SLC25A48: variants seen among roughly 807,000 people sequenced by gnomAD.
SLC25A48 encodes the protein solute carrier family 25 member 48, also known as CTC-321K16.1.
SLC25A48 carries 29 observed loss-of-function variants against 32.2 expected under a neutral mutation model. That is an observed-to-expected ratio of 0.90 (90% CI 0.67 to 1.23). The LOEUF is 1.23. Ranked by LOEUF, SLC25A48 falls within the 50% of genes most tolerant of loss-of-function variation. The pLI is 0.00. For missense variants in SLC25A48, 399 were observed against 422.7 expected, an observed-to-expected ratio of 0.94 and a Z score of 0.49; for synonymous variants, 164 against 172.3, an observed-to-expected ratio of 0.95 and a Z score of 0.38.
intron 3 of SLC25A48, among the ~76,000 whole-genome samples, chr5:135,642,887 C>A (rs1011219418): frequency 3.9e-5 from 6 of 152,208 alleles, no homozygotes; most frequent in South Asian, 4.1e-4. Context: ...AGGGCACAGG[C>A]TCAGATGGTA....
chr5:135,587,206 T>C (rs1020041590), intron 1 of SLC25A48, among the ~76,000 whole-genome samples: 12 of 152,246 alleles, frequency 7.9e-5, no homozygotes, highest in African/African-American at 2.2e-4. Flanking sequence ...AGTTTTTAAA[T>C]TTTCTTGTAG....
At chr5:135,693,181 T>A (rs1360603477) in intron 3 of SLC25A48, among the ~76,000 whole-genome samples, 1 of 152,214 alleles carries the variant, frequency 6.6e-6, no homozygotes, top group Non-Finnish European at 1.5e-5. Flanking sequence ...TATATTTAAT[T>A]AAAACTTCTA....
At chr5:135,729,761 A>G (rs1374602151) in intron 3 of SLC25A48, among the ~76,000 whole-genome samples, 1 of 152,214 alleles carries the variant, frequency 6.6e-6, no homozygotes, top group East Asian at 1.9e-4. Flanking sequence ...CACAGGCTAT[A>G]TGAGTTTCCT....
Position 135,810,942 on chromosome 5 carries a change from A to G in SLC25A48, c.-520-1581A>G, listed in dbSNP as rs1757577662. 2.6e-5 allele frequency among the ~76,000 whole-genome samples: 4 copies of G among 152,198 alleles called. No individual in the cohort carries two copies. The South Asian group carries it at 8.3e-4, about 32-fold the overall frequency. ...GAAAATCATGGGAGGGGTTGAGTGG[A>G]CACTGGGTAAGGAACCAGCAGCACC... On this transcript the variant is annotated intron_variant, in intron 3 of 10. Coordinates refer to the SLC25A48 transcript ENST00000646290.
chr5:135,755,727 A>G (rs1197750148), intron 3 of SLC25A48, among the ~76,000 whole-genome samples: 1 of 151,938 alleles, frequency 6.6e-6, no homozygotes, highest in Non-Finnish European at 1.5e-5. Flanking sequence ...GCACTATCTT[A>G]TTAAGGAAAT....
intron 3 of SLC25A48, among the ~76,000 whole-genome samples, chr5:135,724,491 A>C (rs1293919689): frequency 2.0e-5 from 3 of 152,230 alleles, no homozygotes; most frequent in African/African-American, 4.8e-5. Context: ...TGCTAAGCCC[A>C]AGGTGCCTTC....
chr5:135,789,700 G>T (rs1260415098), intron 3 of SLC25A48, among the ~76,000 whole-genome samples: 2 of 150,990 alleles, frequency 1.3e-5, no homozygotes, highest in African/African-American at 4.9e-5. Context: ...TGGCAGGGGG[G>T]TGTACACCCT....
rs1040469198 is a variant in SLC25A48, at chr5:135,795,562, C to A, written c.-520-16961C>A. Among the ~76,000 whole-genome samples, 10 of 151,792 alleles carry A rather than the reference C, an allele frequency of 6.6e-5. No homozygotes were observed. The South Asian group carries it at 1.0e-3, about 16-fold the overall frequency. ...CTCAATATTGCCATGCATGTACACT[C>A]CCCTCCCACGTGATACTGTTCCTAA... On this transcript the variant is annotated intron_variant, in intron 3 of 10. Transcript: ENST00000646290.
chr5:135,800,665 C>T (rs1042592938), intron 3 of SLC25A48, among the ~76,000 whole-genome samples: 1 of 151,876 alleles, frequency 6.6e-6, no homozygotes, highest in African/African-American at 2.4e-5. Context: ...CTTCCAATAT[C>T]GTAAACACCT....
rs72787196 is a variant in SLC25A48, at chr5:135,629,927, C to T, written c.-709+551C>T. On this transcript the variant is annotated intron_variant, in intron 2 of 10. Transcript: ENST00000646290. The surrounding 1 kb of genome is among the most constrained non-coding windows in gnomAD (Gnocchi z 4.8). Reference sequence around the variant, plus strand: ...ATGACATGAGAATGAGGAGGAGAAACGGGCAAGGCACCAGCAGTGACTGCC... The same window carrying T: ...ATGACATGAGAATGAGGAGGAGAAATGGGCAAGGCACCAGCAGTGACTGCC... 0.12 allele frequency among the ~76,000 whole-genome samples: 18,264 copies of T among 152,106 alleles called. 1,408 individuals carry two copies. The highest frequency in any genetic ancestry group is 0.22 in the African/African-American group (9,265 of 41,470).
intron 5 of SLC25A48, among the ~76,000 whole-genome samples, chr5:135,873,165 C>A (rs1274536272): frequency 2.0e-5 from 3 of 152,176 alleles, no homozygotes; most frequent in African/African-American, 4.8e-5. Context: ...GGGCAGGAGG[C>A]TGAGGGGACC....
intron 4 of SLC25A48, among the ~76,000 whole-genome samples, chr5:135,865,082 T>C (rs1761084337): frequency 6.6e-6 from 1 of 152,268 alleles, no homozygotes; most frequent in African/African-American, 2.4e-5. Flanking sequence ...TATTCCCTTT[T>C]CATGTTCATA....
intron 3 of SLC25A48, among the ~76,000 whole-genome samples, chr5:135,704,464 G>A (rs1754464412): frequency 6.6e-6 from 1 of 152,214 alleles, no homozygotes. Flanking sequence ...CCAGAGATGT[G>A]TGGTCTTTTG....
At chr5:135,862,660 G>C (rs1355396154) in intron 4 of SLC25A48, among the ~76,000 whole-genome samples, 1 of 152,198 alleles carries the variant, frequency 6.6e-6, no homozygotes, top group Non-Finnish European at 1.5e-5. Flanking sequence ...AAAGGAAGAG[G>C]CTGTTGATCG....
At chr5:135,869,468 G>T (rs1403809479) in intron 4 of SLC25A48, among the ~76,000 whole-genome samples, 1 of 152,096 alleles carries the variant, frequency 6.6e-6, no homozygotes, top group Non-Finnish European at 1.5e-5. Flanking sequence ...AGGTTTGGTG[G>T]GTGTTTTCCC....
chr5:135,645,498 C>G (rs1198137664), intron 3 of SLC25A48, among the ~76,000 whole-genome samples: 7 of 152,030 alleles, frequency 4.6e-5, no homozygotes, highest in Non-Finnish European at 7.3e-5. Context: ...AAGCGCAAAG[C>G]CTGACACATG....
chr5:135,842,977 A>C (rs1040718854), intron 2 of SLC25A48, among the ~76,000 whole-genome samples: 2 of 152,114 alleles, frequency 1.3e-5, no homozygotes, highest in African/African-American at 4.8e-5. Context: ...TCCATTTCTA[A>C]AGCTCTGCCT....
At chr5:135,644,830 C>T (rs550402220) in intron 3 of SLC25A48, among the ~76,000 whole-genome samples, 1 of 152,282 alleles carries the variant, frequency 6.6e-6, no homozygotes, top group Admixed American at 6.5e-5. Context: ...AGGCTGCCAC[C>T]TAGCACTGAT....
chr5:135,830,779 G>T (rs994437484), upstream of SLC25A48, among the ~76,000 whole-genome samples: 2 of 152,174 alleles, frequency 1.3e-5, no homozygotes, highest in African/African-American at 4.8e-5. Flanking sequence ...CCCGTGGTCC[G>T]GTTTCATTAA....
Sources: gnomAD v4.1 joint callset for allele counts (sites outside exome capture counted in the v4.1 genomes callset) on GRCh38, gnomAD v4.1.1 for gene constraint, Gnocchi (gnomAD v3.1) non-coding constraint, MANE v1.5 for transcripts, NCBI Gene and HGNC (gene_info 2026-07-23, HGNC 2026-07-21) for gene names.